Variants in TBCK observed in about 807,000 individuals in gnomAD.
TBCK encodes the protein TBC1 domain containing kinase, also known as TBC domain-containing protein kinase-like protein.
TBCK carries 99 observed loss-of-function variants against 113.4 expected under a neutral mutation model. The ratio of observed to expected loss-of-function variants is 0.87; its 90% confidence interval spans 0.74 to 1.03. TBCK has a LOEUF of 1.03. TBCK is among the 50% of genes least tolerant of loss of function. TBCK has a pLI of 0.00. For synonymous variants in TBCK, 369 were observed against 370.8 expected (o/e 1.00, Z 0.05); for missense variants, 1,045 against 1,061.3 (o/e 0.98, Z 0.21).
At chr4:106,179,737 T>A (rs1246019891) in intron 22 of TBCK, among the ~76,000 whole-genome samples, 1 of 152,110 alleles carries the variant, frequency 6.6e-6, no homozygotes, top group East Asian at 1.9e-4. Context: ...GAACGTTCTG[T>A]AAATGTCTGT....
intron 22 of TBCK, among the ~76,000 whole-genome samples, chr4:106,190,377 T>A (rs1753525192): frequency 1.3e-5 from 2 of 152,222 alleles, no homozygotes; most frequent in South Asian, 4.1e-4. Context: ...AAGTACTGAA[T>A]AATGGAAAAG....
At chr4:106,293,727 A>G (rs1376465304) in intron 3 of TBCK, among the ~76,000 whole-genome samples, 1 of 152,224 alleles carries the variant, frequency 6.6e-6, no homozygotes, top group Non-Finnish European at 1.5e-5. Context: ...ACTACCATTT[A>G]TTAAGATAAA....
At chr4:106,234,538 G>A (rs369750971) in intron 15 of TBCK, among the ~76,000 whole-genome samples, 2 of 152,048 alleles carry the variant, frequency 1.3e-5, no homozygotes, top group African/African-American at 2.4e-5. Flanking sequence ...CGAACTCCTG[G>A]GCTCAAGTAA....
intron 23 of TBCK, among the ~76,000 whole-genome samples, chr4:106,118,333 T>C (rs1170559440): frequency 6.6e-6 from 1 of 152,212 alleles, no homozygotes; most frequent in Non-Finnish European, 1.5e-5. Flanking sequence ...AATTTTTCAG[T>C]GGTAAAGCAC....
intron 25 of TBCK, among the ~76,000 whole-genome samples, chr4:106,090,800 C>T (rs1740132209): frequency 6.6e-6 from 1 of 152,118 alleles, no homozygotes; most frequent in Admixed American, 6.5e-5. Flanking sequence ...ATCTTAACTC[C>T]AGGTCCCAAT....
chr4:106,247,054 G>A, intron 10 of TBCK, 85 bp downstream of exon 10: 8 of 1,323,530 alleles, frequency 6.0e-6, no homozygotes, highest in Non-Finnish European at 8.3e-6. Flanking sequence ...ATATATTGTT[G>A]ATAAGTTCAA....
Position 106,116,388 on chromosome 4 carries a change from A to G in TBCK, c.2236-10T>C, listed in dbSNP as rs1743508402. 1 of 1,594,896 alleles carries G rather than the reference A, an allele frequency of 6.3e-7. No individual in the cohort carries two copies. The highest frequency in any genetic ancestry group is 8.5e-7 in the Non-Finnish European group (1 of 1,171,654). On this transcript the variant is annotated splice_polypyrimidine_tract_variant and intron_variant, in intron 23 of 25. Transcript: ENST00000394708. The stretch of plus-strand genomic sequence containing the variant: ...GGATGGATTCTCTTGACTGAAAAAA[A>G]AAATGTACAAAAAAAAATATTGAGA...
chr4:106,309,272 AC>A (rs1477330794), intron 1 of TBCK, among the ~76,000 whole-genome samples: 1 of 147,416 alleles, frequency 6.8e-6, no homozygotes, highest in African/African-American at 2.5e-5. Flanking sequence ...GAAGTTTGTT[AC>A]TGCATCTTCA....
At chr4:106,187,901 T>TA (rs770398398) in intron 22 of TBCK, among the ~76,000 whole-genome samples, 7 of 152,212 alleles carry the variant, frequency 4.6e-5, no homozygotes, top group Non-Finnish European at 8.8e-5. Context: ...ATTGATTTTT[T>TA]ATCCTAAAAC....
intron 25 of TBCK, among the ~76,000 whole-genome samples, chr4:106,070,724 G>T (rs950022943): frequency 6.6e-6 from 1 of 152,080 alleles, no homozygotes; most frequent in South Asian, 2.1e-4. Flanking sequence ...AATGGTACCC[G>T]CTCGTCTTTG....
chr4:106,227,215 A>T (rs1011064032), intron 19 of TBCK, among the ~76,000 whole-genome samples: 1 of 151,940 alleles, frequency 6.6e-6, no homozygotes, highest in Non-Finnish European at 1.5e-5. Flanking sequence ...ATAATGGATC[A>T]TTATTTCCAT....
At chr4:106,128,312 A>G (rs1463798170) in intron 23 of TBCK, among the ~76,000 whole-genome samples, 1 of 152,212 alleles carries the variant, frequency 6.6e-6, no homozygotes, top group Non-Finnish European at 1.5e-5. Context: ...ATGTTTTTTG[A>G]GACAGCTATT....
chr4:106,219,446 T>A (rs1757411572), intron 19 of TBCK, among the ~76,000 whole-genome samples: 1 of 151,634 alleles, frequency 6.6e-6, no homozygotes, highest in Non-Finnish European at 1.5e-5. Context: ...GAATACCATG[T>A]TTAATCAGAA....
At chr4:106,115,133 C>T (rs973809267) in intron 24 of TBCK, among the ~76,000 whole-genome samples, 2 of 152,084 alleles carry the variant, frequency 1.3e-5, no homozygotes, top group African/African-American at 4.8e-5. Context: ...AATTTCATTT[C>T]AAAAATTGGA....
Position 106,171,256 on chromosome 4 carries a change from G to A in TBCK, c.2074C>T (p.Arg692Cys), listed in dbSNP as rs35790205. ...AGGTTGATAGATTCTCTCACACAGC[G>A]TTCAATGTCAATTTCTAGATAGAAA... ...FSDLPEIDIE[R>C]CVRESINLFC... is the part of the protein sequence containing the mutation. The change falls in exon 23 of 26, where the codon CGC becomes TGC. Residue 692 changes from arginine to cysteine, a missense_variant. Physicochemically the swap from Arg to Cys is radical, Grantham distance 180. Coordinates refer to ENST00000394708, the MANE Select transcript of TBCK (RefSeq NM_001163435.3). 35 of 1,600,216 alleles carry A rather than the reference G, an allele frequency of 2.2e-5. No individual in the cohort carries two copies. Among genetic ancestry groups the A allele is most frequent in the African/African-American group, 4.0e-5 (3 of 74,116 alleles).
At chr4:106,235,451 T>A (rs916579446) in intron 14 of TBCK, 84 bp from the exon 15 acceptor site, 1 of 806,390 alleles carries the variant, frequency 1.2e-6, no homozygotes, top group African/African-American at 1.8e-5. Context: ...ATACCCATGA[T>A]AAAACTTAAG....
chr4:106,118,742 T>C (rs1279097764), intron 23 of TBCK, among the ~76,000 whole-genome samples: 1 of 152,222 alleles, frequency 6.6e-6, no homozygotes, highest in African/African-American at 2.4e-5. Flanking sequence ...AGAGGATTTG[T>C]CCAAAGTATT....
Position 106,046,406 on chromosome 4 carries a change from A to T in TBCK, c.*164T>A. On this transcript the variant is annotated 3_prime_UTR_variant, in exon 26 of 26. Coordinates refer to ENST00000394708, the MANE Select transcript of TBCK (RefSeq NM_001163435.3). ...TAGAGTCAAGTTTCTTGCATGGATA[A>T]CTGAACATGTGGGTTATGAGATTTT... 1 of 503,258 alleles carries T rather than the reference A, an allele frequency of 2.0e-6. No individual in the cohort carries two copies. Among genetic ancestry groups the T allele is most frequent in the East Asian group, 3.2e-5 (1 of 30,960 alleles). The allele number at this position is 503,258 out of a possible 1,614,324, so 31.2% of individuals were successfully genotyped here. A position where few individuals can be genotyped will look rare whatever the true frequency, so the allele number is the denominator to read the frequency against.
At chr4:106,047,733 G>T (rs1287076697) in intron 25 of TBCK, among the ~76,000 whole-genome samples, 3 of 152,070 alleles carry the variant, frequency 2.0e-5, no homozygotes, top group Non-Finnish European at 4.4e-5. Context: ...ATATATGTTT[G>T]CTGGATTGAA....
Sources: allele counts gnomAD v4.1 joint callset (sites outside exome capture counted in the v4.1 genomes callset), GRCh38; gene constraint gnomAD v4.1.1; transcripts MANE v1.5; gene names NCBI Gene and HGNC (gene_info 2026-07-23, HGNC 2026-07-21).